HIVEP1: variants seen among roughly 807,000 people sequenced by gnomAD.
The protein encoded by HIVEP1 is zinc finger protein 40.
HIVEP1 carries 36 observed loss-of-function variants against 180.0 expected under a neutral mutation model. The ratio of observed to expected loss-of-function variants is 0.20; its 90% CI spans 0.15 to 0.26. The LOEUF (loss-of-function observed/expected upper bound fraction) is 0.26, where lower values mean the gene tolerates loss of function less well. Ranked by LOEUF, HIVEP1 falls within the 10% of genes least tolerant of loss-of-function variation. The pLI is 1.00. For synonymous variants in HIVEP1, 1,239 were observed against 1,239.0 expected (o/e 1.00, Z 0.00); for missense variants, 3,143 against 3,268.7 (o/e 0.96, Z 0.94).
intron 2 of HIVEP1, among the ~76,000 whole-genome samples, chr6:12,035,256 T>G (rs539395377): frequency 6.6e-5 from 10 of 152,368 alleles, no homozygotes; most frequent in African/African-American, 2.4e-4. Context: ...TTTCTAAGTG[T>G]ATCCTGATTT....
At chr6:12,177,494 T>C in the HIVEP1 span, among the ~76,000 whole-genome samples, 302 of 152,316 alleles carry the variant, frequency 2.0e-3, no homozygotes, top group African/African-American at 6.9e-3. Flanking sequence ...ATGGGCCTAA[T>C]GATAATGTCA....
intron 7 of HIVEP1, among the ~76,000 whole-genome samples, chr6:12,142,075 A>G (rs1309356859): frequency 2.0e-5 from 3 of 152,246 alleles, no homozygotes; most frequent in Non-Finnish European, 4.4e-5. Flanking sequence ...AATCAAGAGA[A>G]TATACATTCT....
At chr6:12,202,685 C>A in the HIVEP1 span, among the ~76,000 whole-genome samples, 1 of 152,056 alleles carries the variant, frequency 6.6e-6, no homozygotes, top group South Asian at 2.1e-4. Context: ...CCCAAGAATG[C>A]AAATTCATTT....
intron 3 of HIVEP1, among the ~76,000 whole-genome samples, chr6:12,090,504 T>A (rs1241137460): frequency 2.1e-4 from 32 of 152,044 alleles, no homozygotes. Context: ...GTAGCACCCC[T>A]CATGTCTGCC....
At chr6:12,105,827 T>C (rs922552060) in intron 3 of HIVEP1, among the ~76,000 whole-genome samples, 1 of 152,120 alleles carries the variant, frequency 6.6e-6, no homozygotes, top group Non-Finnish European at 1.5e-5. Flanking sequence ...TATTTTCTTA[T>C]TCTTTTTGTG....
the HIVEP1 span, among the ~76,000 whole-genome samples, chr6:12,171,981 G>A: frequency 2.5e-3 from 381 of 152,140 alleles, 3 homozygotes; most frequent in South Asian, 3.5e-3. Flanking sequence ...CCAAGAGCTC[G>A]GACTCTGACA....
upstream of HIVEP1, among the ~76,000 whole-genome samples, chr6:12,010,683 T>G (rs1008534512): frequency 2.4e-4 from 37 of 152,138 alleles, no homozygotes; most frequent in African/African-American, 8.0e-4. Flanking sequence ...CCAGCCACTT[T>G]TGCTTCTTGA....
downstream of HIVEP1, among the ~76,000 whole-genome samples, chr6:12,168,913 A>C (rs112013206): frequency 8.3e-3 from 1,261 of 152,278 alleles, 23 homozygotes; most frequent in African/African-American, 0.029. Flanking sequence ...TTGTTGAAAC[A>C]GTCTTGCTCT....
At chr6:12,051,958 T>C (rs1487335475) in intron 2 of HIVEP1, among the ~76,000 whole-genome samples, 3 of 152,204 alleles carry the variant, frequency 2.0e-5, no homozygotes, top group Non-Finnish European at 4.4e-5. Context: ...TTCTCTCCAG[T>C]TTCAAAATGA....
At chr6:12,155,373 C>T (rs532964873) in intron 7 of HIVEP1, among the ~76,000 whole-genome samples, 104 of 152,132 alleles carry the variant, frequency 6.8e-4, no homozygotes, top group African/African-American at 2.4e-3. Context: ...AGTATTAAGC[C>T]CAGCATTTCT....
At position 12,102,898 on chromosome 6, in the gene HIVEP1, G is replaced by GT. The variant is rs967819053; in HGVS notation, c.94+13668dup. 4.0e-5 allele frequency among the ~76,000 whole-genome samples: 6 copies of GT among 151,546 alleles called. No homozygotes were observed. The East Asian group carries it at 7.8e-4, about 20-fold the overall frequency. ...AAGTACATACTTATAAAATGATTTT[G>GT]TTTTTTTATGTTTGTTTTATTTTAA... On this transcript the variant is annotated intron_variant, in intron 3 of 8. Transcript: ENST00000379388.
intron 3 of HIVEP1, among the ~76,000 whole-genome samples, chr6:12,101,354 A>C (rs1774100374): frequency 6.6e-6 from 1 of 152,190 alleles, no homozygotes; most frequent in African/African-American, 2.4e-5. Flanking sequence ...AAGTAATGAT[A>C]ACAGTGTATT....
At chr6:12,014,812 A>G (rs535862281) in intron 1 of HIVEP1, among the ~76,000 whole-genome samples, 13 of 152,306 alleles carry the variant, frequency 8.5e-5, no homozygotes, top group African/African-American at 3.1e-4. Context: ...ATAACTCTCA[A>G]ACCTCACTTA....
intron 3 of HIVEP1, among the ~76,000 whole-genome samples, chr6:12,100,540 A>T (rs962683796): frequency 7.2e-5 from 11 of 152,300 alleles, no homozygotes; most frequent in Admixed American, 3.9e-4. Flanking sequence ...AAGTTTAGAG[A>T]TCCTAGAACT....
intron 2 of HIVEP1, among the ~76,000 whole-genome samples, chr6:12,066,218 C>T (rs965975394): frequency 3.9e-5 from 6 of 151,976 alleles, no homozygotes; most frequent in South Asian, 2.1e-4. Context: ...GAGCTGTGTG[C>T]GTGTGTGTTA....
chr6:12,013,307 CTTGCAACTGTCTTT>C (rs1187368766), intron 1 of HIVEP1, among the ~76,000 whole-genome samples: 1 of 152,218 alleles, frequency 6.6e-6, no homozygotes, highest in African/African-American at 2.4e-5. Flanking sequence ...GTTTTTTCTC[CTTGCAACTGTCTTT>C]ACGCTTTTTG....
chr6:12,022,787 CAT>C (rs1768327633), intron 2 of HIVEP1, among the ~76,000 whole-genome samples: 2 of 152,216 alleles, frequency 1.3e-5, no homozygotes, highest in Non-Finnish European at 1.5e-5. Flanking sequence ...TTAGGCTTCT[CAT>C]GTGCTCAATG....
At chr6:12,160,152 A>G (rs1003006879) in intron 7 of HIVEP1, among the ~76,000 whole-genome samples, 2 of 152,218 alleles carry the variant, frequency 1.3e-5, no homozygotes, top group African/African-American at 4.8e-5. Flanking sequence ...ACTAAATTTT[A>G]TTAAGCTTTC....
rs755888860 is a variant in HIVEP1 at position 12,123,609 on chromosome 6, T to C, written c.3814T>C (p.Leu1272=). 7 of 1,614,056 alleles carry C rather than the reference T, an allele frequency of 4.3e-6. No homozygotes were observed. Among genetic ancestry groups the C allele is most frequent in the Non-Finnish European group, 5.9e-6 (7 of 1,180,012 alleles). The part of the protein sequence containing the change: ...WPQRSETLSK[L]PTEKLPPKKK... ...CCAGCGTAGTGAAACCTTGTCAAAA[T>C]TGCCAACAGAGAAACTGCCACCCAA... Residue 1272 remains leucine, a synonymous_variant, in exon 4 of 9, where the codon TTG becomes CTG. Coordinates refer to ENST00000379388, the MANE Select transcript of HIVEP1 (RefSeq NM_002114.4).
Sources: gnomAD v4.1 joint callset for allele counts (sites outside exome capture counted in the v4.1 genomes callset) on GRCh38, gnomAD v4.1.1 for gene constraint, MANE v1.5 for transcripts, NCBI Gene and HGNC (gene_info 2026-07-23, HGNC 2026-07-21) for gene names.